The following SUPT20H variants were observed in gnomAD, a reference collection of about 807,000 sequenced individuals.
SUPT20H encodes the protein transcription factor SPT20 homolog.
In SUPT20H, 82 loss-of-function variants were observed where a neutral mutation model predicts 122.8. The ratio of observed to expected loss-of-function variants is 0.67; its 90% CI spans 0.56 to 0.80. The LOEUF (loss-of-function observed/expected upper bound fraction) is 0.80. SUPT20H is among the 30% of genes least tolerant of loss of function. SUPT20H has a pLI of 0.00. For synonymous variants in SUPT20H, 291 were observed against 313.0 expected (o/e 0.93, Z 0.74); for missense variants, 831 against 921.6 (o/e 0.90, Z 1.27).
chr13:37,058,569 A>T (rs572949902), intron 1 of SUPT20H, among the ~76,000 whole-genome samples: 1 of 152,220 alleles, frequency 6.6e-6, no homozygotes. Flanking sequence ...TAATAACTTC[A>T]TATCTCTCAC....
Position 37,010,593 on chromosome 13 carries a change from G to A in SUPT20H, c.2161C>T (p.Gln721Ter). 6.2e-7 allele frequency: 1 copy of A among 1,613,876 alleles called. No homozygotes were observed. Among genetic ancestry groups the A allele is most frequent in the Non-Finnish European group, 8.5e-7 (1 of 1,179,902 alleles). The change falls in exon 25 of 26, where the codon CAG (glutamine) becomes TAG (stop). Residue 721 changes from glutamine to a stop codon, truncating the protein, a stop_gained. Coordinates refer to ENST00000350612, the MANE Select transcript of SUPT20H (RefSeq NM_001014286.3). LOFTEE classifies it high-confidence loss of function. ...TGCTGTTGAAAGGCAGAGGAGAGCT[G>A]GAATCTCTGCTGAGGAAGGCTTTGC... is the stretch of plus-strand genomic sequence containing the variant. The part of the protein sequence containing the change: ...PEQSLPQQRF[Q>*]LSSAFQQQQQ...
chr13:37,034,887 T>G (rs1177267137), intron 9 of SUPT20H, among the ~76,000 whole-genome samples: 12 of 152,200 alleles, frequency 7.9e-5, no homozygotes, highest in Non-Finnish European at 1.5e-5. Flanking sequence ...GAATTACTAC[T>G]CTATCAGTGC....
At chr13:37,034,686 T>C (rs1279605358) in intron 9 of SUPT20H, among the ~76,000 whole-genome samples, 1 of 152,162 alleles carries the variant, frequency 6.6e-6, no homozygotes, top group Non-Finnish European at 1.5e-5. Flanking sequence ...CAACAGATTT[T>C]CAAATTAAAC....
chr13:37,024,351 T>C lies in SUPT20H; in HGVS notation c.1421A>G (p.Asn474Ser). The C allele has an allele frequency of 6.3e-7, 1 of 1,584,560 alleles. No individual in the cohort carries two copies. Among genetic ancestry groups the C allele is most frequent in the Non-Finnish European group, 8.6e-7 (1 of 1,169,444 alleles). The change falls in exon 18 of 26, where the codon AAT becomes AGT. Residue 474 changes from asparagine to serine, a missense_variant. Physicochemically the swap from Asn to Ser is conservative, Grantham distance 46. Transcript: ENST00000350612. Reference protein sequence around the residue: ...PPIKLPSSSGNSSSGNYFTPQ... With the variant: ...PPIKLPSSSGSSSSGNYFTPQ... Reference sequence around the variant, plus strand: ...AAGAAATGTAATACCTGAGGAACTATTTCCTGAGCTTGAGGGAAGTTTGAT... The same window carrying C: ...AAGAAATGTAATACCTGAGGAACTACTTCCTGAGCTTGAGGGAAGTTTGAT...
chr13:37,031,731 A>G lies in SUPT20H; in HGVS notation c.864+8T>C. 6.3e-7 allele frequency: 1 copy of G among 1,583,120 alleles called. No individual in the cohort carries two copies. The highest frequency in any genetic ancestry group is 8.5e-7 in the Non-Finnish European group (1 of 1,170,020). ...ATAATAAGCTTCATTTAAAATATATATACTTACATTTCCTGCCTTAGAAAT... is the reference window on the plus strand; with the variant it reads ...ATAATAAGCTTCATTTAAAATATATGTACTTACATTTCCTGCCTTAGAAAT... On this transcript the variant is annotated splice_region_variant and intron_variant, in intron 11 of 25. Transcript: ENST00000350612.
chr13:37,013,984 G>GT (rs1415957756), intron 23 of SUPT20H: 2 of 151,946 alleles, frequency 1.3e-5, no homozygotes, highest in African/African-American at 4.8e-5. Context: ...CAAACCTAAT[G>GT]TAGACTATAA....
At chr13:37,051,681 TATATTTTTAAGACATAC>T (rs995786800) in intron 1 of SUPT20H, 98 bp from the exon 2 acceptor site, 5 of 466,028 alleles carry the variant, frequency 1.1e-5, no homozygotes, top group Admixed American at 3.8e-5. Context: ...GAAAATTACT[TATATTTTTAAGACATAC>T]ATATTTTTAA....
intron 9 of SUPT20H, 65 bp from the exon 10 acceptor site, chr13:37,033,653 G>C: frequency 1.3e-6 from 2 of 1,501,488 alleles, no homozygotes; most frequent in East Asian, 2.4e-5. Context: ...ATCATATATT[G>C]CACTTAATCT....
In SUPT20H at chr13:37,054,079, A is replaced by C. The variant is rs552114014; in HGVS notation, c.-93-2496T>G. Among the ~76,000 whole-genome samples the C allele has an allele frequency of 8.5e-5, 13 of 152,344 alleles. No individual in the cohort carries two copies. In the East Asian group the frequency reaches 2.5e-3, roughly 29 times the overall value. ...CAAGACTAAACCAGGAAGAAGTTGAATCTCTGAATAGACCAATAACAGGCT... is the reference window on the plus strand; with the variant it reads ...CAAGACTAAACCAGGAAGAAGTTGACTCTCTGAATAGACCAATAACAGGCT... On this transcript the variant is annotated intron_variant, in intron 1 of 25. Transcript: ENST00000350612.
At chr13:37,018,467 C>G (rs9547718) in intron 22 of SUPT20H, among the ~76,000 whole-genome samples, 1 of 152,180 alleles carries the variant, frequency 6.6e-6, no homozygotes, top group African/African-American at 2.4e-5. Context: ...GAGAATTTCC[C>G]GATTTGTTAA....
chr13:37,013,565 C>CTAGA (rs1340677138), intron 23 of SUPT20H: 3 of 151,632 alleles, frequency 2.0e-5, no homozygotes. Flanking sequence ...TCTTTGGGAC[C>CTAGA]TAGAGCTAGG....
In SUPT20H at chr13:37,017,345, A is replaced by G; in HGVS notation, c.1892T>C (p.Ile631Thr). 1 of 1,613,958 alleles carries G rather than the reference A, an allele frequency of 6.2e-7. No individual in the cohort carries two copies. Among genetic ancestry groups the G allele is most frequent in the Non-Finnish European group, 8.5e-7 (1 of 1,179,950 alleles). Residue 631 changes from isoleucine (I) to threonine (T), a missense_variant, in exon 23 of 26, where the codon ATT becomes ACT. Coordinates refer to ENST00000350612, the MANE Select transcript of SUPT20H (RefSeq NM_001014286.3). ...TTGCTGCTGCTGCAGAGTGTTAAAAATAAGTGAACCACCTGGAAGCTATTA... is the reference window on the plus strand; with the variant it reads ...TTGCTGCTGCTGCAGAGTGTTAAAAGTAAGTGAACCACCTGGAAGCTATTA... ...NLLQLPGGSL[I>T]FNTLQQQQQQ...
At position 37,031,593 on chromosome 13, in the gene SUPT20H, T is replaced by A. The variant is rs768027432; in HGVS notation, c.895A>T (p.Asn299Tyr). The stretch of plus-strand genomic sequence containing the variant: ...TCTACTTCAGAAGGTATGGCCAAAT[T>A]ACAGGGACTCCGTTTCCACATATCT... ...CVDMWKRSPCNLAIPSEVDVE... is the reference protein window; with the variant it reads ...CVDMWKRSPCYLAIPSEVDVE... Residue 299 changes from asparagine to tyrosine, a missense_variant, in exon 12 of 26, where the codon AAT (asparagine) becomes TAT (tyrosine). Asn to Tyr is a moderately radical substitution (Grantham distance 143). Transcript: ENST00000350612. 26 of 1,565,568 alleles carry A rather than the reference T, an allele frequency of 1.7e-5. No individual in the cohort carries two copies. The Admixed American group carries it at 5.5e-4, about 33-fold the overall frequency.
At chr13:37,055,303 T>C (rs1312440249) in intron 1 of SUPT20H, among the ~76,000 whole-genome samples, 2 of 115,346 alleles carry the variant, frequency 1.7e-5, no homozygotes, top group African/African-American at 5.8e-5. Flanking sequence ...AGAGCCCACA[T>C]TGCCAAGTCA....
intron 20 of SUPT20H, 89 bp from the exon 21 acceptor site, chr13:37,021,691 A>G: frequency 7.4e-7 from 1 of 1,344,134 alleles, no homozygotes; most frequent in South Asian, 1.5e-5. Context: ...CAAAACTACT[A>G]AGCAAACACA....
In SUPT20H at chr13:37,017,367, A is replaced by G; in HGVS notation, c.1873-3T>C. 1.9e-6 allele frequency: 3 copies of G among 1,601,414 alleles called. No homozygotes were observed. Among genetic ancestry groups the G allele is most frequent in the Non-Finnish European group, 2.6e-6 (3 of 1,176,062 alleles). ...AAAATAAGTGAACCACCTGGAAGCT[A>G]TTAAGAATTTAAACAAAAATTAACC... On this transcript the variant is annotated splice_polypyrimidine_tract_variant and splice_region_variant and intron_variant, in intron 22 of 25. Transcript: ENST00000350612.
intron 7 of SUPT20H, among the ~76,000 whole-genome samples, chr13:37,043,422 G>A (rs2138774888): frequency 6.6e-6 from 1 of 152,312 alleles, no homozygotes; most frequent in South Asian, 2.1e-4. Context: ...CAGAAGTACA[G>A]ATGTAAAGGC....
chr13:37,051,499 A>G lies in SUPT20H; in HGVS notation c.-9T>C, dbSNP rs775592804. On this transcript the variant is annotated 5_prime_UTR_variant, in exon 2 of 26. Coordinates refer to ENST00000350612, the MANE Select transcript of SUPT20H (RefSeq NM_001014286.3). ...GAGCTGAAGCTTACCATTATGGCAT[A>G]AAATAAGGGTCCAAAAGAAGAGATA... is the stretch of plus-strand genomic sequence containing the variant. 6.2e-7 allele frequency: 1 copy of G among 1,611,690 alleles called. No homozygotes were observed. The highest frequency in any genetic ancestry group is 1.1e-5 in the South Asian group (1 of 90,908).
At chr13:37,052,311 C>G (rs937095385) in intron 1 of SUPT20H, among the ~76,000 whole-genome samples, 1 of 152,074 alleles carries the variant, frequency 6.6e-6, no homozygotes, top group African/African-American at 2.4e-5. Flanking sequence ...AAACAGCATG[C>G]TACTGGTACC....
Sources: allele counts gnomAD v4.1 joint callset (sites outside exome capture counted in the v4.1 genomes callset), GRCh38; gene constraint gnomAD v4.1.1; transcripts MANE v1.5; gene names NCBI Gene and HGNC (gene_info 2026-07-23, HGNC 2026-07-21).